CADM2: variants seen among roughly 807,000 people sequenced by gnomAD.
CADM2 encodes cell adhesion molecule 2.
CADM2 carries 12 observed loss-of-function variants against 49.8 expected under a neutral mutation model. The ratio of observed to expected loss-of-function variants is 0.24; its 90% CI spans 0.15 to 0.39. The LOEUF (loss-of-function observed/expected upper bound fraction) is 0.39. Ranked by LOEUF, CADM2 falls within the 10% of genes least tolerant of loss-of-function variation. CADM2 has a pLI of 1.00. For synonymous variants in CADM2, 214 were observed against 175.4 expected, an observed-to-expected ratio of 1.22 and a Z score of -1.74; for missense variants, 378 against 492.3, an observed-to-expected ratio of 0.77 and a Z score of 2.20.
At chr3:84,969,508 T>TC (rs1200010162) in intron 1 of CADM2, among the ~76,000 whole-genome samples, 15 of 64,306 alleles carry the variant, frequency 2.3e-4, no homozygotes. Context: ...CTGGTCTATC[T>TC]TTTTTTTTAA....
At chr3:85,925,731 T>G (rs1395104702) in intron 6 of CADM2, among the ~76,000 whole-genome samples, 4 of 152,132 alleles carry the variant, frequency 2.6e-5, no homozygotes, top group African/African-American at 7.2e-5. Context: ...GAGTAAGCAA[T>G]GATGTGAGAG....
intron 2 of CADM2, among the ~76,000 whole-genome samples, chr3:85,742,860 G>A (rs1042545817): frequency 2.0e-4 from 31 of 152,084 alleles, no homozygotes; most frequent in Admixed American, 1.9e-3. Flanking sequence ...ATCCAGCACC[G>A]TCATTCTACA....
In CADM2 at chr3:85,984,666, G is replaced by A. The variant is rs188022625; in HGVS notation, c.970+23019G>A. On this transcript the variant is annotated intron_variant, in intron 8 of 9. Transcript: ENST00000383699. The stretch of plus-strand genomic sequence containing the variant: ...GGAAAGATGTAAACCAGTATACACT[G>A]TCCTATTACTAAGAGTGGATTCAAA... Among the ~76,000 whole-genome samples the A allele has an allele frequency of 1.6e-3, 248 of 151,968 alleles. 1 individual carries two copies. Among genetic ancestry groups the A allele is most frequent in the Admixed American group, 0.015 (233 of 15,192 alleles).
rs192136299 is a variant in CADM2, at chr3:85,532,276, T to C, written c.62-194246T>C. On this transcript the variant is annotated intron_variant, in intron 1 of 9. Coordinates refer to ENST00000383699, the MANE Select transcript of CADM2 (RefSeq NM_001167675.2). ...CAGGCAGTATTCTCCCTCCTCAAAC[T>C]GAAATAATTCAAAGTACTTGTTATT... 2.0e-5 allele frequency among the ~76,000 whole-genome samples: 3 copies of C among 152,336 alleles called. No individual in the cohort carries two copies. The East Asian group carries it at 5.8e-4, about 29-fold the overall frequency.
chr3:85,457,589 G>A (rs1188254813), intron 1 of CADM2, among the ~76,000 whole-genome samples: 1 of 151,986 alleles, frequency 6.6e-6, no homozygotes, highest in African/African-American at 2.4e-5. Flanking sequence ...TAGTGATTAT[G>A]ATTTTTACTG....
chr3:85,521,460 A>T (rs112651839), intron 1 of CADM2, among the ~76,000 whole-genome samples: 2 of 152,058 alleles, frequency 1.3e-5, no homozygotes, highest in African/African-American at 4.8e-5. Context: ...TCACTCTTTT[A>T]TGTTTGCGTC....
At chr3:85,497,078 A>G (rs897110716) in intron 1 of CADM2, among the ~76,000 whole-genome samples, 1 of 152,152 alleles carries the variant, frequency 6.6e-6, no homozygotes, top group African/African-American at 2.4e-5. Flanking sequence ...CGATCTCCTG[A>G]CTTCGATCTG....
chr3:86,022,681 C>T (rs780308737), intron 8 of CADM2, among the ~76,000 whole-genome samples: 8 of 152,032 alleles, frequency 5.3e-5, no homozygotes, highest in South Asian at 2.1e-4. Flanking sequence ...TATAAATACA[C>T]ATACACACAC....
chr3:85,290,536 CCTGT>C (rs1553704912), intron 1 of CADM2, among the ~76,000 whole-genome samples: 1 of 152,196 alleles, frequency 6.6e-6, no homozygotes, highest in Non-Finnish European at 1.5e-5. Flanking sequence ...CTTAAATGTC[CCTGT>C]CTGACAGCTT....
intron 1 of CADM2, among the ~76,000 whole-genome samples, chr3:85,399,116 T>C (rs1236990963): frequency 2.0e-5 from 3 of 152,204 alleles, no homozygotes; most frequent in African/African-American, 7.2e-5. Flanking sequence ...GGTTTTCTTC[T>C]AGGGTTTTTA....
chr3:85,151,896 G>A (rs1265188203), intron 1 of CADM2, among the ~76,000 whole-genome samples: 1 of 152,270 alleles, frequency 6.6e-6, no homozygotes, highest in East Asian at 1.9e-4. Flanking sequence ...TTAAAGCAAT[G>A]CCTTATTAAT....
chr3:85,940,737 A>G (rs1194380327), intron 7 of CADM2, among the ~76,000 whole-genome samples: 1 of 152,094 alleles, frequency 6.6e-6, no homozygotes, highest in Non-Finnish European at 1.5e-5. Context: ...GGTATTGTAG[A>G]AAGAGAATGC....
chr3:85,434,655 A>G (rs536195485), intron 1 of CADM2, among the ~76,000 whole-genome samples: 7 of 152,240 alleles, frequency 4.6e-5, no homozygotes, highest in Admixed American at 2.6e-4. Flanking sequence ...AGAAAATAAA[A>G]CTTCATTCTA....
At chr3:85,657,584 A>G (rs1440132740) in intron 1 of CADM2, among the ~76,000 whole-genome samples, 1 of 151,132 alleles carries the variant, frequency 6.6e-6, no homozygotes, top group Non-Finnish European at 1.5e-5. Context: ...GTATATCTAG[A>G]TGGATATTTT....
chr3:86,027,070 G>GA (rs1733986737), intron 8 of CADM2, among the ~76,000 whole-genome samples: 2 of 151,946 alleles, frequency 1.3e-5, no homozygotes, highest in Admixed American at 1.3e-4. Flanking sequence ...TTTTTGCTCT[G>GA]AAAAAAGAGA....
chr3:85,293,988 G>A (rs1199604165), intron 1 of CADM2, among the ~76,000 whole-genome samples: 1 of 151,976 alleles, frequency 6.6e-6, no homozygotes, highest in Non-Finnish European at 1.5e-5. Flanking sequence ...AGGAAAAGAG[G>A]AAGTCAAATT....
intron 1 of CADM2, among the ~76,000 whole-genome samples, chr3:85,232,979 ATG>A (rs2107817172): frequency 6.6e-6 from 1 of 152,352 alleles, no homozygotes; most frequent in East Asian, 1.9e-4. Context: ...ATTGCCAAAA[ATG>A]GGAAGAAACA....
intron 1 of CADM2, among the ~76,000 whole-genome samples, chr3:85,553,852 C>T (rs2061878524): frequency 6.6e-6 from 1 of 152,150 alleles, no homozygotes; most frequent in South Asian, 2.1e-4. Context: ...AATCCCTAAA[C>T]CTTGTCTTGA....
chr3:85,627,816 T>A (rs2064170918), intron 1 of CADM2, among the ~76,000 whole-genome samples: 1 of 152,040 alleles, frequency 6.6e-6, no homozygotes, highest in Non-Finnish European at 1.5e-5. Context: ...AAATGAGTTT[T>A]AAAGTTTTTA....
Sources: allele counts gnomAD v4.1 joint callset (sites outside exome capture counted in the v4.1 genomes callset), GRCh38; gene constraint gnomAD v4.1.1; transcripts MANE v1.5; gene names NCBI Gene and HGNC (gene_info 2026-07-23, HGNC 2026-07-21).